Variants in CNTNAP2 observed in about 807,000 individuals in gnomAD.
CNTNAP2 encodes the protein contactin-associated protein-like 2.
In CNTNAP2, 98 loss-of-function variants were observed where a neutral mutation model predicts 155.2. That is an observed-to-expected ratio of 0.63 (90% CI 0.54 to 0.75). The LOEUF (loss-of-function observed/expected upper bound fraction) is 0.75. CNTNAP2 is among the 30% of genes least tolerant of loss of function. CNTNAP2 has a pLI of 0.00. For missense variants in CNTNAP2, 1,727 were observed against 1,688.1 expected, an observed-to-expected ratio of 1.02 and a Z score of -0.40; for synonymous variants, 651 against 631.2, an observed-to-expected ratio of 1.03 and a Z score of -0.47.
chr7:146,931,213 G>T (rs921113611), intron 3 of CNTNAP2, among the ~76,000 whole-genome samples: 1 of 151,974 alleles, frequency 6.6e-6, no homozygotes, highest in Non-Finnish European at 1.5e-5. Flanking sequence ...AAATGTAAAA[G>T]AACAGAAATT....
intron 1 of CNTNAP2, among the ~76,000 whole-genome samples, chr7:146,721,836 C>A (rs1353610684): frequency 9.1e-5 from 9 of 99,134 alleles, no homozygotes; most frequent in Non-Finnish European, 1.4e-4. Context: ...TATATATAGT[C>A]TATATATATA....
chr7:146,646,448 AATAT>A (rs1391801369), intron 1 of CNTNAP2, among the ~76,000 whole-genome samples: 1 of 152,210 alleles, frequency 6.6e-6, no homozygotes, highest in Non-Finnish European at 1.5e-5. Context: ...TAAGTAGTAT[AATAT>A]ATAGTAACAG....
chr7:147,635,226 C>T (rs529757820), intron 12 of CNTNAP2, among the ~76,000 whole-genome samples: 34 of 141,930 alleles, frequency 2.4e-4, no homozygotes, highest in Admixed American at 1.6e-3. Flanking sequence ...ATTTTGCTTA[C>T]GATCTGTTTT....
chr7:146,370,696 G>A (rs748158939), intron 1 of CNTNAP2, among the ~76,000 whole-genome samples: 3 of 151,850 alleles, frequency 2.0e-5, no homozygotes, highest in Admixed American at 6.6e-5. Context: ...TAATATCAGC[G>A]TGCCTTGTTC....
intron 8 of CNTNAP2, among the ~76,000 whole-genome samples, chr7:147,291,526 CCTT>C (rs531144893): frequency 1.4e-3 from 220 of 151,864 alleles, no homozygotes; most frequent in African/African-American, 5.1e-3. Flanking sequence ...AGCAATATTT[CCTT>C]GTTTGAATAT....
At chr7:148,081,952 T>C (rs910507391) in intron 15 of CNTNAP2, among the ~76,000 whole-genome samples, 1 of 151,818 alleles carries the variant, frequency 6.6e-6, no homozygotes, top group Non-Finnish European at 1.5e-5. Context: ...AGAAGGGCAT[T>C]GTTTTGTTTG....
intron 21 of CNTNAP2, among the ~76,000 whole-genome samples, chr7:148,329,801 A>G (rs1797953808): frequency 6.6e-6 from 1 of 152,060 alleles, no homozygotes; most frequent in Non-Finnish European, 1.5e-5. Flanking sequence ...TGCCTGACCA[A>G]CTCTGATTCA....
intron 9 of CNTNAP2, among the ~76,000 whole-genome samples, chr7:147,301,592 CTGTGTG>C (rs10585570): frequency 0.085 from 8,561 of 101,128 alleles, 320 homozygotes; most frequent in East Asian, 0.14. Flanking sequence ...CTCTCTCTCT[CTGTGTG>C]TGTGTGTGTG....
At chr7:147,691,468 A>G (rs1287619440) in intron 13 of CNTNAP2, among the ~76,000 whole-genome samples, 2 of 152,122 alleles carry the variant, frequency 1.3e-5, no homozygotes, top group African/African-American at 4.8e-5. Flanking sequence ...TGAAAGACTC[A>G]ATATTATCAC....
intron 1 of CNTNAP2, among the ~76,000 whole-genome samples, chr7:146,551,918 G>A (rs1240118898): frequency 6.6e-6 from 1 of 151,922 alleles, no homozygotes; most frequent in Non-Finnish European, 1.5e-5. Context: ...CTCATATGAT[G>A]TAATCATTTT....
At chr7:146,761,329 G>GGAAGGAAA (rs1554477557) in intron 1 of CNTNAP2, among the ~76,000 whole-genome samples, 84 of 140,842 alleles carry the variant, frequency 6.0e-4, no homozygotes, top group Non-Finnish European at 1.0e-3. Context: ...AAGGAAGGAA[G>GGAAGGAAA]GAAGGAAAAT....
In CNTNAP2 at chr7:147,745,217, T is replaced by C. The variant is rs537612382; in HGVS notation, c.2098+105911T>C. Among the ~76,000 whole-genome samples the C allele has an allele frequency of 3.9e-5, 6 of 152,330 alleles. No individual in the cohort carries two copies. In the East Asian group the frequency reaches 1.2e-3, roughly 29 times the overall value. On this transcript the variant is annotated intron_variant, in intron 13 of 23. Coordinates refer to ENST00000361727, the MANE Select transcript of CNTNAP2 (RefSeq NM_014141.6). Reference sequence around the variant, plus strand: ...GAATCAAATGAAGCCTAATGATGCTTATAAAGTTGTTTTAAGACATAAAAG... The same window carrying C: ...GAATCAAATGAAGCCTAATGATGCTCATAAAGTTGTTTTAAGACATAAAAG...
chr7:147,935,247 C>T (rs1800584214), intron 14 of CNTNAP2, among the ~76,000 whole-genome samples: 1 of 152,102 alleles, frequency 6.6e-6, no homozygotes, highest in African/African-American at 2.4e-5. Context: ...CTGCCTCAGC[C>T]TCCAGAGTAG....
chr7:147,252,728 C>T (rs759853351), intron 8 of CNTNAP2, among the ~76,000 whole-genome samples: 3 of 149,924 alleles, frequency 2.0e-5, no homozygotes, highest in Non-Finnish European at 2.9e-5. Context: ...TTTATTCTGT[C>T]ACATATCTAT....
intron 15 of CNTNAP2, among the ~76,000 whole-genome samples, chr7:148,100,058 G>A (rs1393997072): frequency 5.3e-5 from 8 of 151,732 alleles, no homozygotes; most frequent in African/African-American, 1.9e-4. Context: ...TTTTAGTAGA[G>A]ACGGGGTTTC....
intron 22 of CNTNAP2, among the ~76,000 whole-genome samples, chr7:148,384,893 G>T (rs572072363): frequency 6.6e-6 from 1 of 152,100 alleles, no homozygotes; most frequent in African/African-American, 2.4e-5. Context: ...TAAATCTGAC[G>T]TGTTTTATCA....
chr7:146,241,032 A>G (rs952937836), intron 1 of CNTNAP2, among the ~76,000 whole-genome samples: 1 of 152,100 alleles, frequency 6.6e-6, no homozygotes. Context: ...GGAGTGCCAC[A>G]CTTTTAAACA....
At chr7:148,103,871 T>C (rs1804153589) in intron 15 of CNTNAP2, among the ~76,000 whole-genome samples, 1 of 152,218 alleles carries the variant, frequency 6.6e-6, no homozygotes, top group African/African-American at 2.4e-5. Flanking sequence ...CTGCAGCACA[T>C]TTTGTAAAAA....
At chr7:148,413,440 A>ATG (rs1799899579) in intron 23 of CNTNAP2, among the ~76,000 whole-genome samples, 5 of 109,980 alleles carry the variant, frequency 4.5e-5, no homozygotes, top group African/African-American at 1.9e-4. Flanking sequence ...ATATATATAT[A>ATG]TATATATTGC....
Sources: gnomAD v4.1 joint callset for allele counts (sites outside exome capture counted in the v4.1 genomes callset) on GRCh38, gnomAD v4.1.1 for gene constraint, MANE v1.5 for transcripts, NCBI Gene and HGNC (gene_info 2026-07-23, HGNC 2026-07-21) for gene names.